Variants in CELF2 observed in about 807,000 individuals in gnomAD.
CELF2 encodes the protein CUG triplet repeat RNA-binding protein 2.
A neutral mutation model predicts 62.6 loss-of-function variants in CELF2; 8 were observed. That is an observed-to-expected ratio of 0.13 (90% CI 0.07 to 0.23). The LOEUF is 0.23. Among genes scored for constraint, CELF2 ranks in the 10% least tolerant of loss-of-function variants. The probability of loss-of-function intolerance (pLI) is 1.00; values close to 1 mark genes in which losing one functional copy is unlikely to be tolerated. For missense variants in CELF2, 333 were observed against 671.0 expected, an observed-to-expected ratio of 0.50 and a Z score of 5.56; for synonymous variants, 258 against 250.0, an observed-to-expected ratio of 1.03 and a Z score of -0.30.
Position 10,969,754 on chromosome 10 carries a change from C to CTCTA in CELF2, c.89+49757_89+49760dup, listed in dbSNP as rs2050560040. On this transcript the variant is annotated intron_variant, in intron 2 of 13. Coordinates refer to the CELF2 transcript ENST00000636488. The stretch of plus-strand genomic sequence containing the variant: ...CTAAAGTCATGTGTGGTTACTTGAG[C>CTCTA]TCTATTTCCATACAAGCCTTTCCCA... Among the ~76,000 whole-genome samples, 9 of 152,316 alleles carry CTCTA rather than the reference C, an allele frequency of 5.9e-5. No individual in the cohort carries two copies. The South Asian group carries it at 1.9e-3, about 32-fold the overall frequency.
At position 11,009,579 on chromosome 10, in the gene CELF2, C is replaced by T. The variant is rs183848271; in HGVS notation, c.53+4139C>T. Among the ~76,000 whole-genome samples, 551 of 152,196 alleles carry T rather than the reference C, an allele frequency of 3.6e-3. 2 individuals carry two copies. The highest frequency in any genetic ancestry group is 5.3e-3 in the Non-Finnish European group (363 of 68,014). On this transcript the variant is annotated intron_variant, in intron 1 of 12. Transcript: ENST00000416382. Reference sequence around the variant, plus strand: ...TGTATGTCAAGACCATCAAAGTTAACAGGAAATGGCATCTGTGGAGAGAGG... The same window carrying T: ...TGTATGTCAAGACCATCAAAGTTAATAGGAAATGGCATCTGTGGAGAGAGG...
At chr10:10,628,740 G>T in the CELF2 span, among the ~76,000 whole-genome samples, 1 of 151,958 alleles carries the variant, frequency 6.6e-6, no homozygotes, top group East Asian at 1.9e-4. Context: ...GAATAGTGCC[G>T]CAATAAATGC....
At chr10:11,292,706 G>T (rs1486037468) in intron 9 of CELF2, among the ~76,000 whole-genome samples, 1 of 152,190 alleles carries the variant, frequency 6.6e-6, no homozygotes, top group Non-Finnish European at 1.5e-5. Context: ...CTACTGCAGT[G>T]GTCCCACATC....
At position 11,331,099 on chromosome 10, in the gene CELF2, CAGTT is replaced by C. The variant is rs1293412145; in HGVS notation, c.*2049_*2052del. Reference sequence around the variant, plus strand: ...TTTGTGTCACCTTTTGCTGAACTCACAGTTAGACAATCCATGGTTTAATGCACAT... The same window carrying C: ...TTTGTGTCACCTTTTGCTGAACTCACAGACAATCCATGGTTTAATGCACAT... On this transcript the variant is annotated 3_prime_UTR_variant, in exon 13 of 13. Coordinates refer to ENST00000633077, the MANE Select transcript of CELF2 (RefSeq NM_001326342.2). 9.2e-5 allele frequency: 14 copies of C among 152,490 alleles called. No homozygotes were observed. Among genetic ancestry groups the C allele is most frequent in the South Asian group, 2.1e-4 (1 of 4,822 alleles). The allele number at this position is 152,490 out of a possible 1,614,324, so 9.4% of individuals were successfully genotyped here.
At chr10:10,801,682 A>G (rs917976933) in intron 1 of CELF2, among the ~76,000 whole-genome samples, 2 of 152,240 alleles carry the variant, frequency 1.3e-5, no homozygotes, top group African/African-American at 4.8e-5. Flanking sequence ...TGTAAAGCAT[A>G]TTACAAGGCA....
Position 10,889,919 on chromosome 10 carries a change from A to C in CELF2, c.54-30045A>C, listed in dbSNP as rs1053462434. ...GAAGAGTGTACAGTCTTTCCTGTGC[A>C]TGATAAATGTGGGGCATTTACACTA... On this transcript the variant is annotated intron_variant, in intron 1 of 13. Transcript: ENST00000636488. Among the ~76,000 whole-genome samples, 19 of 152,320 alleles carry C rather than the reference A, an allele frequency of 1.2e-4. 1 individual carries two copies. The South Asian group carries it at 3.1e-3, about 25-fold the overall frequency.
rs2071968586 is a variant in CELF2, at chr10:11,237,607, A to C, written c.355-11546A>C. ...CAAGGGCTGCTTCAGCCCCACTAGCATCTCCACACTGGGTGAGGGTTACAA... is the reference window on the plus strand; with the variant it reads ...CAAGGGCTGCTTCAGCCCCACTAGCCTCTCCACACTGGGTGAGGGTTACAA... On this transcript the variant is annotated intron_variant, in intron 3 of 12. Coordinates refer to ENST00000633077, the MANE Select transcript of CELF2 (RefSeq NM_001326342.2). The surrounding 1 kb of genome is among the most constrained non-coding windows in gnomAD (Gnocchi z 4.0). Among the ~76,000 whole-genome samples the C allele has an allele frequency of 6.6e-6, 1 of 152,222 alleles. No homozygotes were observed. The highest frequency in any genetic ancestry group is 1.5e-5 in the Non-Finnish European group (1 of 68,034).
chr10:11,263,187 A>G (rs1345468335), intron 5 of CELF2, among the ~76,000 whole-genome samples: 1 of 152,028 alleles, frequency 6.6e-6, no homozygotes, highest in Non-Finnish European at 1.5e-5. Context: ...CTGTTTTAGC[A>G]GCAAGAAGGT....
At chr10:11,100,280 G>C (rs2051198837) in intron 1 of CELF2, among the ~76,000 whole-genome samples, 1 of 152,050 alleles carries the variant, frequency 6.6e-6, no homozygotes, top group Non-Finnish European at 1.5e-5. Context: ...CCAACAAGTT[G>C]ATGATGTGGA....
the CELF2 span, among the ~76,000 whole-genome samples, chr10:10,691,186 G>T: frequency 6.6e-6 from 1 of 151,370 alleles, no homozygotes. Context: ...TCCCCAGAGT[G>T]TGATGTTCCC....
At chr10:10,528,689 G>T in the CELF2 span, among the ~76,000 whole-genome samples, 1 of 152,130 alleles carries the variant, frequency 6.6e-6, no homozygotes, top group African/African-American at 2.4e-5. Flanking sequence ...GTGGTGTTGT[G>T]TCATTGCATG....
At position 11,260,538 on chromosome 10, in the gene CELF2, T is replaced by G. The variant is rs529787134; in HGVS notation, c.538+2666T>G. On this transcript the variant is annotated intron_variant, in intron 5 of 12. Transcript: ENST00000633077. This position sits in a 1 kb window ranked among gnomAD's most constrained non-coding sequence, Gnocchi z 4.2. Reference sequence around the variant, plus strand: ...GCCATTTGGTTGATTAACCAGCACTTGACACCAGAAGCAGCCTGTTCCTGC... The same window carrying G: ...GCCATTTGGTTGATTAACCAGCACTGGACACCAGAAGCAGCCTGTTCCTGC... Among the ~76,000 whole-genome samples the G allele has an allele frequency of 3.3e-5, 5 of 152,296 alleles. No homozygotes were observed. The South Asian group carries it at 1.0e-3, about 32-fold the overall frequency.
rs367912417 is a variant in CELF2, at chr10:11,071,249, G to A, written c.74+53086G>A. ...TGCAGCAAGCCTCCAGCTAGGACATGCGCTGGTTCTTGGGAGCAAGCTCAG... is the reference window on the plus strand; with the variant it reads ...TGCAGCAAGCCTCCAGCTAGGACATACGCTGGTTCTTGGGAGCAAGCTCAG... On this transcript the variant is annotated intron_variant, in intron 1 of 12. Coordinates refer to ENST00000633077, the MANE Select transcript of CELF2 (RefSeq NM_001326342.2). Among the ~76,000 whole-genome samples, 7 of 152,318 alleles carry A rather than the reference G, an allele frequency of 4.6e-5. No homozygotes were observed. In the East Asian group the frequency reaches 1.2e-3, roughly 25 times the overall value.
chr10:11,260,726 TAAGA>T lies in CELF2; in HGVS notation c.538+2865_538+2868del, dbSNP rs1049979211. 6.7e-6 allele frequency among the ~76,000 whole-genome samples: 1 copy of T among 149,712 alleles called. No individual in the cohort carries two copies. Among genetic ancestry groups the T allele is most frequent in the African/African-American group, 2.5e-5 (1 of 40,740 alleles). ...ATTCCCTGTTGCAAAAAAAGAAAAA[TAAGA>T]AAGAAAGAAAATACTCATTTATAAC... is the stretch of plus-strand genomic sequence containing the variant. On this transcript the variant is annotated intron_variant, in intron 5 of 12. Transcript: ENST00000633077. The surrounding 1 kb of genome is among the most constrained non-coding windows in gnomAD (Gnocchi z 4.2).
chr10:10,921,470 T>C (rs1265135463), intron 2 of CELF2, among the ~76,000 whole-genome samples: 1 of 151,064 alleles, frequency 6.6e-6, no homozygotes, highest in Non-Finnish European at 1.5e-5. Context: ...GGTTTCACCA[T>C]GTTGGCCAGC....
chr10:10,628,040 T>G, the CELF2 span, among the ~76,000 whole-genome samples: 1 of 152,106 alleles, frequency 6.6e-6, no homozygotes, highest in African/African-American at 2.4e-5. Context: ...GTAGCTGGGA[T>G]TACAGGTGCC....
At chr10:10,913,379 C>CTTTTTTTTTTTTTT (rs34163796) in intron 1 of CELF2, among the ~76,000 whole-genome samples, 1 of 57,360 alleles carries the variant, frequency 1.7e-5, no homozygotes, top group Non-Finnish European at 2.9e-5. Flanking sequence ...GTAATGATGT[C>CTTTTTTTTTTTTTT]TTTTTTTTTT....
At chr10:10,550,041 A>G in the CELF2 span, among the ~76,000 whole-genome samples, 2 of 152,332 alleles carry the variant, frequency 1.3e-5, no homozygotes, top group East Asian at 3.9e-4. Flanking sequence ...TCCCTGCACA[A>G]TTGAAAATCC....
intron 2 of CELF2, among the ~76,000 whole-genome samples, chr10:10,948,629 C>T (rs1218819837): frequency 6.6e-6 from 1 of 151,832 alleles, no homozygotes; most frequent in Non-Finnish European, 1.5e-5. Flanking sequence ...CTACATGAAG[C>T]CCCCCTAGGC....
Sources: gnomAD v4.1 joint callset for allele counts (sites outside exome capture counted in the v4.1 genomes callset) on GRCh38, gnomAD v4.1.1 for gene constraint, Gnocchi (gnomAD v3.1) non-coding constraint, MANE v1.5 for transcripts, NCBI Gene and HGNC (gene_info 2026-07-23, HGNC 2026-07-21) for gene names.